Variants in SMS observed in about 807,000 individuals in gnomAD.
SMS encodes spermine synthase, also known as spermidine aminopropyltransferase.
A neutral mutation model predicts 33.0 loss-of-function variants in SMS; 3 were observed. The ratio of observed to expected loss-of-function variants is 0.09; its 90% CI spans 0.04 to 0.23. The LOEUF (loss-of-function observed/expected upper bound fraction) is 0.23. Ranked by LOEUF, SMS falls within the 10% of genes least tolerant of loss-of-function variation. The pLI, the probability that SMS is intolerant of heterozygous loss-of-function variation, is 1.00. For missense variants in SMS, 117 were observed against 288.6 expected, an observed-to-expected ratio of 0.41 and a Z score of 4.31; for synonymous variants, 103 against 112.2, an observed-to-expected ratio of 0.92 and a Z score of 0.52.
chrX:21,953,547 GCT>G (rs754003039), intron 1 of SMS, among the ~76,000 whole-genome samples: 1 of 112,433 alleles, frequency 8.9e-6, no homozygotes, highest in East Asian at 2.8e-4. Flanking sequence ...AAGGACTCCA[GCT>G]CTTTCTCTTT....
rs1921699808 is a variant in SMS at position 21,940,851 on chromosome X, C to G, written c.27C>G (p.Leu9=). ...TGGCAGCAGCACGGCACAGCACGCT[C>G]GACTTCATGCTCGGCGCCAAAGGTG... MAAARHST[L]DFMLGAKADG... Residue 9 remains leucine (L), a synonymous_variant, in exon 1 of 11, where the codon CTC becomes CTG. Transcript: ENST00000404933. The G allele has an allele frequency of 5.4e-6, 6 of 1,114,036 alleles. No individual in the cohort carries two copies. The highest frequency in any genetic ancestry group is 5.9e-6 in the Non-Finnish European group (5 of 851,269). The allele number at this position is 1,114,036 out of a possible 1,213,427, so 91.8% of individuals were successfully genotyped here.
At chrX:21,963,890 TC>T (rs1923527404) in intron 1 of SMS, among the ~76,000 whole-genome samples, 1 of 111,562 alleles carries the variant, frequency 9.0e-6, no homozygotes, top group Non-Finnish European at 1.9e-5. Flanking sequence ...ACAGAAAACA[TC>T]TGTTCTAGCC....
chrX:21,992,356 C>G (rs754013873), intron 9 of SMS, among the ~76,000 whole-genome samples: 27 of 112,626 alleles, frequency 2.4e-4, no homozygotes, highest in African/African-American at 8.4e-4. Flanking sequence ...TCACTGCTTT[C>G]TATCATTTCA....
At chrX:21,983,938 A>G (rs1050166301) in intron 7 of SMS, among the ~76,000 whole-genome samples, 5 of 111,953 alleles carry the variant, frequency 4.5e-5, no homozygotes, top group African/African-American at 1.3e-4. Flanking sequence ...TAGGAGAGGC[A>G]GTATAGATTA....
intron 9 of SMS, among the ~76,000 whole-genome samples, chrX:21,992,373 A>G (rs757393968): frequency 8.9e-6 from 1 of 112,748 alleles, no homozygotes; most frequent in South Asian, 3.6e-4. Flanking sequence ...TTCATATTCT[A>G]ATAATTTGAA....
At chrX:21,970,714 G>A (rs753722302) in intron 2 of SMS, among the ~76,000 whole-genome samples, 16 of 105,455 alleles carry the variant, frequency 1.5e-4, no homozygotes, top group East Asian at 6.0e-4. Context: ...GACTACAGGC[G>A]TGTGCCACCA....
chrX:21,994,605 A>AT lies in SMS; in HGVS notation c.*256dup, dbSNP rs1332855239. The AT allele has an allele frequency of 1.9e-5, 17 of 893,536 alleles. No individual in the cohort carries two copies. The African/African-American group carries it at 3.2e-4, about 17-fold the overall frequency. 73.6% of individuals were successfully genotyped at this position (893,536 alleles called of 1,213,427 possible). ...ACTGCTAAATGCACTGACCCCCCCC[A>AT]TTAGAATGTGATTTTTGTTCCTTTT... On this transcript the variant is annotated 3_prime_UTR_variant, in exon 11 of 11. Coordinates refer to ENST00000404933, the MANE Select transcript of SMS (RefSeq NM_004595.5).
At chrX:21,974,211 A>T (rs984575334) in intron 4 of SMS, among the ~76,000 whole-genome samples, 23 of 112,701 alleles carry the variant, frequency 2.0e-4, no homozygotes, top group African/African-American at 5.5e-4. Context: ...GCTAAGTTTG[A>T]TCAGCCCACA....
At chrX:21,947,872 G>A (rs1183471563) in intron 1 of SMS, among the ~76,000 whole-genome samples, 4 of 111,262 alleles carry the variant, frequency 3.6e-5, no homozygotes, top group Non-Finnish European at 5.6e-5. Context: ...CTTTGGAGAA[G>A]ACTTTTTTGT....
intron 2 of SMS, among the ~76,000 whole-genome samples, chrX:21,968,914 A>G (rs762251809): frequency 5.4e-5 from 6 of 111,806 alleles, no homozygotes; most frequent in East Asian, 2.8e-4. Context: ...CCAATAACCT[A>G]TGGAAATAAA....
chrX:21,967,100 ATTTATT>A, intron 1 of SMS, 90 bp from the exon 2 acceptor site: 2 of 424,002 alleles, frequency 4.7e-6, no homozygotes, highest in Non-Finnish European at 7.2e-6. Flanking sequence ...TTACTTATTT[ATTTATT>A]TTTAAGCTCA....
chrX:21,958,363 G>A (rs1444768133), intron 1 of SMS, among the ~76,000 whole-genome samples: 6 of 112,417 alleles, frequency 5.3e-5, no homozygotes, highest in Non-Finnish European at 1.1e-4. Context: ...ACCAACTTCT[G>A]AGTCTTCTCC....
chrX:21,980,427 AAAATAT>A (rs1924849558), intron 7 of SMS, among the ~76,000 whole-genome samples: 1 of 77,253 alleles, frequency 1.3e-5, no homozygotes, highest in African/African-American at 3.9e-5. Flanking sequence ...AAAAAAAAAA[AAAATAT>A]ATATATATAT....
chrX:21,941,411 C>A, intron 1 of SMS: 1 of 193,945 alleles, frequency 5.2e-6, no homozygotes. Context: ...TCGTAGGGAG[C>A]TGGGGCTGGG....
intron 1 of SMS, chrX:21,941,449 C>T: frequency 1.3e-5 from 2 of 158,296 alleles, no homozygotes; most frequent in South Asian, 8.3e-5. Context: ...GCAGCGCTTG[C>T]AGAATTCTCA....
chrX:21,969,527 GGA>G (rs775572174), intron 2 of SMS, among the ~76,000 whole-genome samples: 29 of 111,531 alleles, frequency 2.6e-4, no homozygotes, highest in African/African-American at 8.8e-4. Context: ...CATCTTTTGG[GGA>G]CTACAGCAAA....
chrX:21,944,539 A>AAAG (rs1555992683), intron 1 of SMS, among the ~76,000 whole-genome samples: 1 of 81,440 alleles, frequency 1.2e-5, no homozygotes, highest in Non-Finnish European at 2.3e-5. Context: ...AAAAAAAAAA[A>AAAG]AAAAAAGAAA....
At chrX:21,943,655 T>C (rs1222492517) in intron 1 of SMS, among the ~76,000 whole-genome samples, 1 of 110,846 alleles carries the variant, frequency 9.0e-6, no homozygotes. Context: ...GGAATGTGTG[T>C]ATGTATGCAT....
intron 1 of SMS, among the ~76,000 whole-genome samples, chrX:21,954,831 G>A (rs1350299866): frequency 1.8e-5 from 2 of 111,666 alleles, no homozygotes; most frequent in Non-Finnish European, 3.8e-5. Context: ...TGCTCAGACA[G>A]AACCCTTGAA....
Sources: allele counts gnomAD v4.1 joint callset (sites outside exome capture counted in the v4.1 genomes callset), GRCh38; gene constraint gnomAD v4.1.1; transcripts MANE v1.5; gene names NCBI Gene and HGNC (gene_info 2026-07-23, HGNC 2026-07-21).